The following DNAH3 variants were observed in gnomAD, a reference collection of about 807,000 sequenced individuals.
The protein encoded by DNAH3 is axonemal beta dynein heavy chain 3.
Under a neutral mutation model 432.5 loss-of-function variants are expected in DNAH3, and 332 were observed. The ratio of observed to expected loss-of-function variants is 0.77; its 90% CI spans 0.70 to 0.84. DNAH3 has a LOEUF of 0.84. Among genes scored for constraint, DNAH3 ranks in the 40% least tolerant of loss-of-function variants. The probability of loss-of-function intolerance (pLI) is 0.00; values close to 1 mark genes in which losing one functional copy is unlikely to be tolerated. For synonymous variants in DNAH3, 1,956 were observed against 1,900.2 expected, an observed-to-expected ratio of 1.03 and a Z score of -0.76; for missense variants, 4,861 against 5,114.0, an observed-to-expected ratio of 0.95 and a Z score of 1.51.
rs557208445 is a variant in DNAH3 at position 20,952,424 on chromosome 16, C to T, written c.11188+9G>A. On this transcript the variant is annotated intron_variant, in intron 56 of 61. Coordinates refer to ENST00000261383, the Ensembl canonical transcript of DNAH3. ...AGGTTTACAGTGGAAAAACTCCTCC[C>T]GTAAATACCTGTCAGGTAGGTCAGA... is the stretch of plus-strand genomic sequence containing the variant. 101 of 1,564,338 alleles carry T rather than the reference C, an allele frequency of 6.5e-5. No individual in the cohort carries two copies. The highest frequency in any genetic ancestry group is 7.8e-5 in the Non-Finnish European group (89 of 1,135,280).
chr16:20,943,983 CAA>C (rs35780087), intron 58 of DNAH3, among the ~76,000 whole-genome samples: 5 of 133,834 alleles, frequency 3.7e-5, no homozygotes, highest in African/African-American at 2.8e-5. Flanking sequence ...AACCGTGTCT[CAA>C]AAAAAAAAAA....
chr16:20,983,127 AT>A (rs1213778225), intron 48 of DNAH3, among the ~76,000 whole-genome samples: 1 of 151,872 alleles, frequency 6.6e-6, no homozygotes, highest in African/African-American at 2.4e-5. Flanking sequence ...AAAAATTTTA[AT>A]TTTTTATTTT....
At chr16:21,060,178 G>A (rs858205) in intron 26 of DNAH3, 86 bp downstream of exon 26, 239,241 of 1,127,368 alleles carry the variant, frequency 0.21, 27,657 homozygotes, top group East Asian at 0.48. Context: ...AGAGGGTCCA[G>A]CCAAACTACT....
In DNAH3 at chr16:20,964,213, A is replaced by ATT; in HGVS notation, c.9670_9671insAA (p.Leu3224Ter). The change falls in exon 53 of 62, where the codon TTG becomes TAATG. Residue 3224 changes from leucine (L) to a stop codon, truncating the protein, a stop_gained and frameshift_variant. Coordinates refer to ENST00000261383, the Ensembl canonical transcript of DNAH3. LOFTEE classifies it high-confidence loss of function. Reference sequence around the variant, plus strand: ...CTTGTTCTTGGCACTTTCCACAATCAACTGGTTCTTTTTCTCTTCCAGCTC... The same window carrying ATT: ...CTTGTTCTTGGCACTTTCCACAATCATTACTGGTTCTTTTTCTCTTCCAGCTC... 1 of 1,614,086 alleles carries ATT rather than the reference A, an allele frequency of 6.2e-7. No homozygotes were observed. Among genetic ancestry groups the ATT allele is most frequent in the Non-Finnish European group, 8.5e-7 (1 of 1,180,024 alleles).
Position 21,034,100 on chromosome 16 carries a change from C to A in DNAH3, c.5086-15G>T. ...ATTTCGTAGATCTGGGAGGAGACAT[C>A]ATTCATAAAAGAAGCTAATCATTGC... On this transcript the variant is annotated splice_polypyrimidine_tract_variant and intron_variant, in intron 35 of 61. Transcript: ENST00000261383. The A allele has an allele frequency of 6.4e-7, 1 of 1,559,048 alleles. No homozygotes were observed. Among genetic ancestry groups the A allele is most frequent in the Non-Finnish European group, 8.8e-7 (1 of 1,131,218 alleles).
chr16:21,051,836 T>C (rs769452799), exon 29 of DNAH3: 1 of 1,614,136 alleles, frequency 6.2e-7, no homozygotes, highest in Non-Finnish European at 8.5e-7. Flanking sequence ...TCGGAGACCC[T>C]GTCCTCAGAT....
At chr16:20,974,579 G>GT (rs752437227) in intron 51 of DNAH3, among the ~76,000 whole-genome samples, 31,651 of 81,902 alleles carry the variant, frequency 0.39, 7,668 homozygotes, top group Middle Eastern at 0.5. Flanking sequence ...GTTTTATAGT[G>GT]TTTTTTTTTT....
At chr16:21,048,666 CG>C (rs1161541881) in intron 31 of DNAH3, among the ~76,000 whole-genome samples, 1 of 151,820 alleles carries the variant, frequency 6.6e-6, no homozygotes, top group Non-Finnish European at 1.5e-5. Flanking sequence ...AGCTGTAGAC[CG>C]GAGCTGTTCC....
At chr16:21,123,474 C>T (rs1013948457) in intron 9 of DNAH3, among the ~76,000 whole-genome samples, 3 of 152,180 alleles carry the variant, frequency 2.0e-5, no homozygotes, top group Admixed American at 1.3e-4. Context: ...AGATTGGCTT[C>T]CACCCCTGGG....
intron 3 of DNAH3, among the ~76,000 whole-genome samples, chr16:21,142,883 G>C (rs956612134): frequency 2.0e-5 from 3 of 151,934 alleles, no homozygotes; most frequent in Admixed American, 6.6e-5. Context: ...CCAACTCCTG[G>C]GGGCAAGCAA....
intron 57 of DNAH3, among the ~76,000 whole-genome samples, chr16:20,946,057 C>T (rs1224266531): frequency 6.6e-6 from 1 of 152,182 alleles, no homozygotes; most frequent in Non-Finnish European, 1.5e-5. Context: ...GTCCGGGGCA[C>T]TCTAAAATTT....
At chr16:21,054,423 G>A (rs915931023) in exon 28 of DNAH3, 3 of 1,612,922 alleles carry the variant, frequency 1.9e-6, no homozygotes, top group African/African-American at 2.7e-5. Context: ...GGCTTACCGT[G>A]GACATCGATG....
intron 27 of DNAH3, among the ~76,000 whole-genome samples, chr16:21,057,585 C>T (rs1473581580): frequency 6.6e-6 from 1 of 152,194 alleles, no homozygotes; most frequent in Non-Finnish European, 1.5e-5. Context: ...AACAGTCAAG[C>T]ATTGGCATCA....
intron 56 of DNAH3, among the ~76,000 whole-genome samples, chr16:20,950,750 T>C (rs1340726034): frequency 6.6e-6 from 1 of 152,172 alleles, no homozygotes; most frequent in African/African-American, 2.4e-5. Flanking sequence ...TTAGCACATG[T>C]CTATTCTTAT....
chr16:21,034,174 T>G, intron 35 of DNAH3, 89 bp from the exon 36 acceptor site: 1 of 817,228 alleles, frequency 1.2e-6, no homozygotes, highest in Middle Eastern at 2.3e-4. Flanking sequence ...GAATGAGGGG[T>G]CAGAAGAGGA....
intron 48 of DNAH3, among the ~76,000 whole-genome samples, chr16:20,984,337 T>C (rs1478664750): frequency 6.6e-6 from 1 of 151,950 alleles, no homozygotes; most frequent in Non-Finnish European, 1.5e-5. Context: ...GAGGTGAGCC[T>C]GGGTAAAAGG....
chr16:20,954,835 C>A (rs1385259421), exon 55 of DNAH3: 4 of 1,614,146 alleles, frequency 2.5e-6, no homozygotes, highest in Non-Finnish European at 3.4e-6. Flanking sequence ...AGTTTCTTCT[C>A]TCTTGAACAA....
intron 42 of DNAH3, 64 bp from the exon 43 acceptor site, chr16:21,000,582 C>T: frequency 1.0e-5 from 15 of 1,443,956 alleles, no homozygotes; most frequent in Non-Finnish European, 1.4e-5. Context: ...TCTTGGCATT[C>T]AAGAGACCTG....
chr16:20,964,482 C>A (rs1384855523), exon 53 of DNAH3: 2 of 1,614,134 alleles, frequency 1.2e-6, no homozygotes. Context: ...TAGAAGCATC[C>A]AGCTCTTCTC....
Sources: gnomAD v4.1 joint callset for allele counts (sites outside exome capture counted in the v4.1 genomes callset) on GRCh38, gnomAD v4.1.1 for gene constraint, MANE v1.5 for transcripts, NCBI Gene and HGNC (gene_info 2026-07-23, HGNC 2026-07-21) for gene names.